CSMD1: variants seen among roughly 807,000 people sequenced by gnomAD.
CSMD1 encodes CUB and Sushi multiple domains 1.
Under a neutral mutation model 417.5 loss-of-function variants are expected in CSMD1, and 213 were observed. The ratio of observed to expected loss-of-function variants is 0.51; its 90% CI spans 0.46 to 0.57. The LOEUF (loss-of-function observed/expected upper bound fraction) is 0.57. CSMD1 is among the 20% of genes least tolerant of loss of function. The pLI is 0.00. For synonymous variants in CSMD1, 2,862 were observed against 1,736.8 expected (o/e 1.65, Z -16.11); for missense variants, 6,923 against 4,529.7 (o/e 1.53, Z -15.17).
intron 10 of CSMD1, among the ~76,000 whole-genome samples, chr8:3,519,956 G>T (rs560362782): frequency 4.3e-4 from 65 of 151,292 alleles, no homozygotes; most frequent in African/African-American, 1.5e-3. Flanking sequence ...TTCGCTGAAA[G>T]TCAGGCACAC....
intron 3 of CSMD1, among the ~76,000 whole-genome samples, chr8:4,193,591 G>T (rs1055115066): frequency 2.8e-4 from 42 of 152,022 alleles, no homozygotes; most frequent in African/African-American, 9.9e-4. Context: ...AGAGGATGAG[G>T]GTCCCACCGG....
rs545536063 is a variant in CSMD1, at chr8:3,799,410, C to T, written c.819-45368G>A. ...ATCCCTCCCCCCTCCCCCCACCCCA[C>T]GACAGGCCTTAGTGTGTGATGTTCC... is the stretch of plus-strand genomic sequence containing the variant. On this transcript the variant is annotated intron_variant, in intron 5 of 69. Transcript: ENST00000635120. Among the ~76,000 whole-genome samples, 295 of 108,784 alleles carry T rather than the reference C, an allele frequency of 2.7e-3. 2 individuals carry two copies. The highest frequency in any genetic ancestry group is 0.01 in the African/African-American group (279 of 27,848). The allele number at this position is 108,784 out of a possible 152,430, so 71.4% of individuals were successfully genotyped here.
At chr8:3,038,855 T>G (rs1333897839) in intron 50 of CSMD1, among the ~76,000 whole-genome samples, 1 of 152,106 alleles carries the variant, frequency 6.6e-6, no homozygotes, top group Admixed American at 6.5e-5. Context: ...GCACAGTTAG[T>G]GCCATGAGAA....
intron 5 of CSMD1, among the ~76,000 whole-genome samples, chr8:3,930,600 G>A (rs1407784573): frequency 6.7e-6 from 1 of 150,214 alleles, no homozygotes; most frequent in Admixed American, 6.6e-5. Context: ...AAAGGAAACG[G>A]GACACAGCAG....
rs1212724563 is a variant in CSMD1, at chr8:3,997,949, C to G, written c.772G>C (p.Gly258Arg). The change falls in exon 5 of 70, where the codon GGA becomes CGA. Residue 258 changes from glycine (G) to arginine (R), a missense_variant. Gly to Arg is a moderately radical substitution (Grantham distance 125, BLOSUM62 -2). Transcript: ENST00000635120. ...LVFTDFQLEE[G>R]YDFLEISGTE... is the part of the protein sequence containing the mutation. ...CCACTGATCTCTAAGAAATCATATCCTTCTTCTAGCTGAAAGTCAGTGAAG... is the reference window on the plus strand; with the variant it reads ...CCACTGATCTCTAAGAAATCATATCGTTCTTCTAGCTGAAAGTCAGTGAAG... 6.2e-7 allele frequency: 1 copy of G among 1,612,104 alleles called. No homozygotes were observed. Among genetic ancestry groups the G allele is most frequent in the South Asian group, 1.1e-5 (1 of 90,462 alleles).
chr8:4,922,536 A>G (rs1023884849), intron 1 of CSMD1, among the ~76,000 whole-genome samples: 1 of 152,118 alleles, frequency 6.6e-6, no homozygotes, highest in Non-Finnish European at 1.5e-5. Context: ...AACCATTCAC[A>G]CCCTTTCAGT....
chr8:4,456,748 C>A (rs1041860843), intron 2 of CSMD1, among the ~76,000 whole-genome samples: 5 of 152,042 alleles, frequency 3.3e-5, no homozygotes, highest in African/African-American at 1.2e-4. Flanking sequence ...TGTCTAGTTG[C>A]TAGATCCTAG....
intron 3 of CSMD1, among the ~76,000 whole-genome samples, chr8:4,280,434 G>A (rs957290684): frequency 2.0e-5 from 3 of 152,118 alleles, no homozygotes; most frequent in African/African-American, 4.8e-5. Context: ...CGAAATGTGC[G>A]ACCGGATACC....
chr8:3,306,425 C>G (rs772945217), intron 25 of CSMD1, among the ~76,000 whole-genome samples: 1 of 152,140 alleles, frequency 6.6e-6, no homozygotes, highest in Non-Finnish European at 1.5e-5. Flanking sequence ...CCACCCACCT[C>G]GGCCTCCCAA....
chr8:3,915,471 A>G (rs927031898), intron 5 of CSMD1, among the ~76,000 whole-genome samples: 18 of 151,192 alleles, frequency 1.2e-4, no homozygotes, highest in African/African-American at 4.4e-4. Flanking sequence ...CAAGGACTTC[A>G]GGGAAGTGCA....
intron 3 of CSMD1, among the ~76,000 whole-genome samples, chr8:4,256,955 T>G (rs187328493): frequency 1.3e-5 from 2 of 152,334 alleles, no homozygotes; most frequent in East Asian, 3.9e-4. Context: ...TGCTGACCTC[T>G]AATCACAGGC....
chr8:3,256,442 GT>G (rs1303180311), intron 26 of CSMD1, among the ~76,000 whole-genome samples: 4 of 152,074 alleles, frequency 2.6e-5, no homozygotes, highest in African/African-American at 7.2e-5. Context: ...TAAGTTCATT[GT>G]CCCCTTCTCC....
intron 5 of CSMD1, among the ~76,000 whole-genome samples, chr8:3,889,027 C>T (rs1829860): frequency 0.65 from 98,573 of 151,270 alleles, 32,976 homozygotes; most frequent in South Asian, 0.77. Flanking sequence ...ACCATAATTG[C>T]CATTTCATAC....
chr8:3,708,282 A>C (rs942569446), intron 7 of CSMD1, 132 bp downstream of exon 7: 1 of 692,216 alleles, frequency 1.4e-6, no homozygotes, highest in Non-Finnish European at 2.5e-6. Flanking sequence ...CCCAGAAAAT[A>C]CTTTTGGATA....
chr8:3,759,550 G>A (rs780761103), intron 5 of CSMD1, among the ~76,000 whole-genome samples: 1 of 151,900 alleles, frequency 6.6e-6, no homozygotes, highest in East Asian at 1.9e-4. Context: ...TGGGGCAAAT[G>A]GTGGAAAATG....
chr8:4,432,340 C>G (rs1245445266), intron 2 of CSMD1, among the ~76,000 whole-genome samples: 1 of 152,162 alleles, frequency 6.6e-6, no homozygotes, highest in African/African-American at 2.4e-5. Context: ...CAAAGGACTG[C>G]TTGTAGAATC....
rs1318391347 is a variant in CSMD1, at chr8:4,619,875, C to A, written c.302+17467G>T. 2.0e-5 allele frequency among the ~76,000 whole-genome samples: 3 copies of A among 151,756 alleles called. No homozygotes were observed. The East Asian group carries it at 5.8e-4, about 29-fold the overall frequency. On this transcript the variant is annotated intron_variant, in intron 2 of 69. Coordinates refer to ENST00000635120, the MANE Select transcript of CSMD1 (RefSeq NM_033225.6). The stretch of plus-strand genomic sequence containing the variant: ...ATGATAAAATGAAGTCATTTTAGGA[C>A]AATTACAGCATAAATATTAGTACTG...
At chr8:3,516,077 A>G (rs962499194) in intron 10 of CSMD1, among the ~76,000 whole-genome samples, 1 of 151,898 alleles carries the variant, frequency 6.6e-6, no homozygotes, top group Non-Finnish European at 1.5e-5. Flanking sequence ...GGGAAACTGG[A>G]GCTCAGACAG....
intron 2 of CSMD1, among the ~76,000 whole-genome samples, chr8:4,461,833 G>T (rs544209903): frequency 2.0e-5 from 3 of 148,796 alleles, no homozygotes; most frequent in African/African-American, 7.4e-5. Context: ...CTCCACCTAC[G>T]GGGTTCCCGC....
Sources: allele counts gnomAD v4.1 joint callset (sites outside exome capture counted in the v4.1 genomes callset), GRCh38; gene constraint gnomAD v4.1.1; transcripts MANE v1.5; gene names NCBI Gene and HGNC (gene_info 2026-07-23, HGNC 2026-07-21).